The following CDH4 variants were observed in gnomAD, a reference collection of about 807,000 sequenced individuals.
The protein encoded by CDH4 is cadherin-4.
A neutral mutation model predicts 86.0 loss-of-function variants in CDH4; 33 were observed. The observed-to-expected ratio is 0.38, with a 90% CI of 0.29 to 0.51. The LOEUF is 0.51. CDH4 is among the 20% of genes least tolerant of loss of function. CDH4 has a pLI of 0.86. For synonymous variants in CDH4, 555 were observed against 549.4 expected (o/e 1.01, Z -0.14); for missense variants, 1,114 against 1,307.4 (o/e 0.85, Z 2.28).
chr20:61,782,365 G>A (rs67502525), intron 4 of CDH4, among the ~76,000 whole-genome samples: 3,919 of 152,160 alleles, frequency 0.026, 169 homozygotes, highest in African/African-American at 0.089. Flanking sequence ...AACAAACTGA[G>A]GGAATTCATC....
intron 2 of CDH4, among the ~76,000 whole-genome samples, chr20:61,399,276 G>A (rs2085036578): frequency 9.3e-6 from 1 of 107,982 alleles, no homozygotes; most frequent in Non-Finnish European, 1.8e-5. Context: ...GGGACTACAG[G>A]CGCCCGCCAC....
chr20:61,645,867 C>A (rs1438122231), intron 2 of CDH4, among the ~76,000 whole-genome samples: 1 of 152,148 alleles, frequency 6.6e-6, no homozygotes, highest in Non-Finnish European at 1.5e-5. Flanking sequence ...CCCAGGTCTT[C>A]TGACCCCAGA....
intron 2 of CDH4, among the ~76,000 whole-genome samples, chr20:61,455,368 G>A (rs544983906): frequency 7.2e-5 from 11 of 152,308 alleles, no homozygotes; most frequent in Admixed American, 4.6e-4. Flanking sequence ...CTGGCAGTGC[G>A]AGTGCCTCAA....
rs111512500 is a variant in CDH4 at position 61,630,804 on chromosome 20, G to A, written c.170-112759G>A. On this transcript the variant is annotated intron_variant, in intron 2 of 15. Coordinates refer to ENST00000614565, the MANE Select transcript of CDH4 (RefSeq NM_001794.5). ...CTGGGTAGAAATAGGTAGAAAACAG[G>A]GTTCAGTTATTCATTCACCAAACCC... Among the ~76,000 whole-genome samples the A allele has an allele frequency of 9.4e-3, 1,434 of 152,314 alleles. 14 individuals carry two copies. Among genetic ancestry groups the A allele is most frequent in the African/African-American group, 0.032 (1,320 of 41,566 alleles).
At chr20:61,773,512 T>C (rs929237225) in intron 4 of CDH4, among the ~76,000 whole-genome samples, 1 of 152,192 alleles carries the variant, frequency 6.6e-6, no homozygotes, top group Non-Finnish European at 1.5e-5. Flanking sequence ...ATCACATTTC[T>C]TTCCATGGAT....
rs2055011611 is a variant in CDH4, at chr20:61,923,697, G to T, written c.1621G>T (p.Ala541Ser). Residue 541 changes from alanine (A) to serine (S), a missense_variant, in exon 10 of 16, where the codon GCT becomes TCT. By Grantham distance (99) the Ala-to-Ser change is moderately conservative. Coordinates refer to ENST00000614565, the MANE Select transcript of CDH4 (RefSeq NM_001794.5). ...AVDPDRFMQQ[A>S]VRYSKLSDPA... Reference sequence around the variant, plus strand: ...GGACCCTGACCGGTTCATGCAGCAGGCTGTGAGGTGGGTGCACAGGACATG... The same window carrying T: ...GGACCCTGACCGGTTCATGCAGCAGTCTGTGAGGTGGGTGCACAGGACATG... 1 of 1,613,232 alleles carries T rather than the reference G, an allele frequency of 6.2e-7. No individual in the cohort carries two copies. Among genetic ancestry groups the T allele is most frequent in the East Asian group, 2.2e-5 (1 of 44,870 alleles).
At chr20:61,507,477 G>T (rs1046995025) in intron 2 of CDH4, among the ~76,000 whole-genome samples, 2 of 152,166 alleles carry the variant, frequency 1.3e-5, no homozygotes, top group African/African-American at 4.8e-5. Context: ...TGAGAAGTTT[G>T]CTGTACTTTG....
chr20:61,445,520 G>GC (rs1189055876), intron 2 of CDH4, among the ~76,000 whole-genome samples: 2 of 152,074 alleles, frequency 1.3e-5, no homozygotes, highest in Admixed American at 1.3e-4. Flanking sequence ...CAAGACCAAT[G>GC]CCCCTCAAAC....
chr20:61,424,972 T>C (rs6121849), intron 2 of CDH4, among the ~76,000 whole-genome samples: 26,185 of 152,248 alleles, frequency 0.17, 2,655 homozygotes, highest in Non-Finnish European at 0.22. Flanking sequence ...CGTGCAGCTT[T>C]GTGGGCCTCA....
chr20:61,525,146 C>G (rs1278881423), intron 2 of CDH4, among the ~76,000 whole-genome samples: 2 of 152,142 alleles, frequency 1.3e-5, no homozygotes, highest in African/African-American at 4.8e-5. Context: ...CGGGTTTTAT[C>G]CTAATGCCCA....
chr20:61,304,347 T>G (rs755605865), intron 2 of CDH4, among the ~76,000 whole-genome samples: 10 of 152,138 alleles, frequency 6.6e-5, no homozygotes, highest in Non-Finnish European at 1.5e-4. Flanking sequence ...TTTTGTTATT[T>G]TACTTCATTC....
Position 61,929,645 on chromosome 20 carries a change from T to C in CDH4, c.2042T>C (p.Leu681Pro), listed in dbSNP as rs760311935. 1 of 1,613,980 alleles carries C rather than the reference T, an allele frequency of 6.2e-7. No individual in the cohort carries two copies. Among genetic ancestry groups the C allele is most frequent in the East Asian group, 2.2e-5 (1 of 44,892 alleles). The change falls in exon 13 of 16, where the codon CTG becomes CCG. Residue 681 changes from leucine (L) to proline (P), a missense_variant. This residue lies in a region of CDH4 where 705 missense variants were observed against 914.1 expected (regional missense o/e 0.77). Transcript: ENST00000614565. ...CAACTCAGCTTGCGCATCCTGTACC[T>C]GGAGGCCGGGATGTATGACGTCCCC... The part of the protein sequence containing the change: ...YAQLSLRILY[L>P]EAGMYDVPII...
chr20:61,714,997 A>G (rs560904361), intron 2 of CDH4, among the ~76,000 whole-genome samples: 25 of 152,310 alleles, frequency 1.6e-4, no homozygotes, highest in African/African-American at 4.3e-4. Flanking sequence ...GCTGTTTTCC[A>G]TAGAGGTTGT....
intron 9 of CDH4, among the ~76,000 whole-genome samples, chr20:61,920,964 T>C (rs1465513127): frequency 6.8e-6 from 1 of 147,260 alleles, no homozygotes; most frequent in East Asian, 2.1e-4. Flanking sequence ...CATGGAAGCA[T>C]GTCATGGTGA....
At position 61,682,629 on chromosome 20, in the gene CDH4, G is replaced by C. The variant is rs114187158; in HGVS notation, c.170-60934G>C. 5.7e-3 allele frequency among the ~76,000 whole-genome samples: 872 copies of C among 151,948 alleles called. 10 individuals are homozygous for C. The highest frequency in any genetic ancestry group is 0.018 in the African/African-American group (753 of 41,416). ...GAAAAGTGGAAGGGAGGAGAGGAGA[G>C]AACAGGGCATTAAAACTCATTAATG... On this transcript the variant is annotated intron_variant, in intron 2 of 15. Transcript: ENST00000614565.
intron 2 of CDH4, among the ~76,000 whole-genome samples, chr20:61,265,751 G>T (rs929408811): frequency 6.6e-6 from 1 of 152,240 alleles, no homozygotes; most frequent in Non-Finnish European, 1.5e-5. Context: ...GAGGCATGGA[G>T]CCATTGAGTG....
intron 9 of CDH4, among the ~76,000 whole-genome samples, chr20:61,920,845 G>A (rs34666833): frequency 0.83 from 119,260 of 143,016 alleles, 50,560 homozygotes; most frequent in East Asian, 0.99. Flanking sequence ...TGGTGTGATT[G>A]CATGGAAGCA....
At chr20:61,398,036 G>T (rs901642078) in intron 2 of CDH4, among the ~76,000 whole-genome samples, 13 of 152,208 alleles carry the variant, frequency 8.5e-5, no homozygotes, top group Admixed American at 5.9e-4. Context: ...CTTCACCTGC[G>T]TGTCCTGAAC....
At chr20:61,273,696 C>T (rs528988097) in intron 2 of CDH4, among the ~76,000 whole-genome samples, 119 of 142,328 alleles carry the variant, frequency 8.4e-4, no homozygotes, top group African/African-American at 3.0e-3. Flanking sequence ...GGGGGAGTAC[C>T]ATGTGCAGTT....
Sources: gnomAD v4.1 joint callset for allele counts (sites outside exome capture counted in the v4.1 genomes callset) on GRCh38, gnomAD v4.1.1 for gene constraint, gnomAD v4.1.1 regional missense constraint, MANE v1.5 for transcripts, NCBI Gene and HGNC (gene_info 2026-07-23, HGNC 2026-07-21) for gene names.